Variants in MED26 observed in about 807,000 individuals in gnomAD.
MED26 encodes the protein mediator complex subunit 26.
In MED26, 7 loss-of-function variants were observed where a neutral mutation model predicts 43.7. The ratio of observed to expected loss-of-function variants is 0.16; its 90% CI spans 0.09 to 0.30. MED26 has a LOEUF of 0.30. Among genes scored for constraint, MED26 ranks in the 10% least tolerant of loss-of-function variants. MED26 has a pLI of 1.00. For missense variants in MED26, 784 were observed against 840.6 expected (o/e 0.93, Z 0.83); for synonymous variants, 375 against 371.1 (o/e 1.01, Z -0.12).
At chr19:16,598,662 T>A (rs1396628959) in intron 1 of MED26, among the ~76,000 whole-genome samples, 1 of 152,142 alleles carries the variant, frequency 6.6e-6, no homozygotes, top group African/African-American at 2.4e-5. Flanking sequence ...CTCTGACAAG[T>A]TCCACCACCA....
chr19:16,627,600 G>A (rs1288117856), intron 1 of MED26, among the ~76,000 whole-genome samples: 1 of 152,246 alleles, frequency 6.6e-6, no homozygotes, highest in Admixed American at 6.5e-5. Context: ...AGCTGGAGCA[G>A]AAAGGGAGGA....
intron 1 of MED26, among the ~76,000 whole-genome samples, chr19:16,626,832 C>T (rs926551610): frequency 3.3e-5 from 5 of 152,146 alleles, no homozygotes; most frequent in African/African-American, 1.2e-4. Context: ...CTGCATCTTC[C>T]TACCGCCCTG....
At chr19:16,601,034 G>A (rs2086146701) in intron 1 of MED26, among the ~76,000 whole-genome samples, 3 of 152,058 alleles carry the variant, frequency 2.0e-5, no homozygotes, top group Non-Finnish European at 4.4e-5. Flanking sequence ...AGGCAGCAGT[G>A]AGCTGAGACT....
intron 1 of MED26, among the ~76,000 whole-genome samples, chr19:16,607,167 C>A (rs1465226784): frequency 6.6e-6 from 1 of 151,788 alleles, no homozygotes; most frequent in African/African-American, 2.4e-5. Flanking sequence ...CATAGTGAGA[C>A]CCTGTCTCTA....
At chr19:16,607,744 T>C (rs568418661) in intron 1 of MED26, among the ~76,000 whole-genome samples, 3 of 152,284 alleles carry the variant, frequency 2.0e-5, no homozygotes, top group African/African-American at 7.2e-5. Context: ...TTTTTTAAGC[T>C]CATTGGCTAT....
intron 1 of MED26, among the ~76,000 whole-genome samples, chr19:16,615,662 C>T (rs1217564665): frequency 1.3e-5 from 2 of 151,816 alleles, no homozygotes; most frequent in African/African-American, 4.8e-5. Context: ...AGGAGAACTG[C>T]TTGAAACCAG....
At chr19:16,601,283 G>A (rs2086148145) in intron 1 of MED26, among the ~76,000 whole-genome samples, 1 of 151,790 alleles carries the variant, frequency 6.6e-6, no homozygotes, top group Non-Finnish European at 1.5e-5. Flanking sequence ...AGCCTCCCGA[G>A]TAGCTGGGAT....
At chr19:16,592,748 A>G (rs935138571) in intron 1 of MED26, among the ~76,000 whole-genome samples, 1 of 152,158 alleles carries the variant, frequency 6.6e-6, no homozygotes, top group Admixed American at 6.5e-5. Flanking sequence ...CAGCTCCAAT[A>G]AGGACCTGAG....
intron 1 of MED26, among the ~76,000 whole-genome samples, chr19:16,579,991 C>A (rs571995381): frequency 1.3e-5 from 2 of 152,162 alleles, no homozygotes; most frequent in South Asian, 4.1e-4. Context: ...GGGGAAGGCC[C>A]GACTTGAATG....
At position 16,587,138 on chromosome 19, in the gene MED26, G is replaced by C. The variant is rs184241404; in HGVS notation, c.73-8729C>G. 1 of 150,310 alleles carries C rather than the reference G, an allele frequency of 6.7e-6. No homozygotes were observed. The highest frequency in any genetic ancestry group is 2.1e-4 in the South Asian group (1 of 4,778). The allele number at this position is 150,310 out of a possible 1,614,324, so 9.3% of individuals were successfully genotyped here. On this transcript the variant is annotated intron_variant, in intron 1 of 2. Transcript: ENST00000263390. The surrounding 1 kb of genome is among the most constrained non-coding windows in gnomAD (Gnocchi z 4.9). ...ACCCCCCAACCCCCAACACACAGTC[G>C]TGTCTGCTGAGGACACACGGGTGAA...
rs1380097469 is a variant in MED26, at chr19:16,578,355, T to C, written c.127A>G (p.Ile43Val). 1.2e-6 allele frequency: 2 copies of C among 1,614,064 alleles called. No homozygotes were observed. Among genetic ancestry groups the C allele is most frequent in the Non-Finnish European group, 1.7e-6 (2 of 1,179,972 alleles). Residue 43 changes from isoleucine (I) to valine (V), a missense_variant, in exon 2 of 3, where the codon ATT (isoleucine) becomes GTT (valine). Physicochemically the swap from Ile to Val is conservative, Grantham distance 29 (BLOSUM62 3). Around this residue, in one of 3 missense-constraint regions of MED26, gnomAD observed 28 missense variants for 79.4 expected, o/e 0.35. Transcript: ENST00000263390. ...EVISSLEKYP[I>V]TKEALEETRL... Reference sequence around the variant, plus strand: ...CTCACCTCAAGTGCCTCTTTGGTAATAGGGTATTTCTCCAGGCTGGAGATG... The same window carrying C: ...CTCACCTCAAGTGCCTCTTTGGTAACAGGGTATTTCTCCAGGCTGGAGATG...
intron 1 of MED26, among the ~76,000 whole-genome samples, chr19:16,585,096 T>A (rs2122391542): frequency 6.6e-6 from 1 of 152,250 alleles, no homozygotes; most frequent in South Asian, 2.1e-4. Context: ...ATCTATCTGG[T>A]GAGACCCCAG....
At chr19:16,616,445 T>C (rs948764755) in intron 1 of MED26, among the ~76,000 whole-genome samples, 13 of 151,942 alleles carry the variant, frequency 8.6e-5, no homozygotes, top group African/African-American at 3.1e-4. Flanking sequence ...AAGTCAAACA[T>C]CCCTATCTGT....
At chr19:16,609,174 G>A (rs2086187385) in intron 1 of MED26, among the ~76,000 whole-genome samples, 1 of 151,914 alleles carries the variant, frequency 6.6e-6, no homozygotes, top group Non-Finnish European at 1.5e-5. Flanking sequence ...AATTAGCCGG[G>A]TATGGTGGTG....
Position 16,576,577 on chromosome 19 carries a change from A to G in MED26, c.1253T>C (p.Val418Ala), listed in dbSNP as rs1281934849. ...GGTGAGCTTCCGCTCTTTTAACCGG[A>G]CAGGCTTGACGCCCGCCTCAGCCAC... ...GQVAEAGVKPVRLKERKLTFD... is the reference protein window; with the variant it reads ...GQVAEAGVKPARLKERKLTFD... The change falls in exon 3 of 3, where the codon GTC (valine) becomes GCC (alanine). Residue 418 changes from valine (V) to alanine (A), a missense_variant. Coordinates refer to ENST00000263390, the MANE Select transcript of MED26 (RefSeq NM_004831.5). The surrounding 1 kb of genome is among the most constrained non-coding windows in gnomAD (Gnocchi z 6.8). 1 of 1,614,124 alleles carries G rather than the reference A, an allele frequency of 6.2e-7. No individual in the cohort carries two copies. The highest frequency in any genetic ancestry group is 1.1e-5 in the South Asian group (1 of 91,070).
intron 1 of MED26, among the ~76,000 whole-genome samples, chr19:16,613,602 G>A (rs900063301): frequency 1.3e-5 from 2 of 152,264 alleles, no homozygotes; most frequent in East Asian, 1.9e-4. Context: ...TGTTATCTCC[G>A]GATGAAAGCA....
intron 1 of MED26, among the ~76,000 whole-genome samples, chr19:16,603,287 A>G (rs1341315614): frequency 6.6e-6 from 1 of 152,158 alleles, no homozygotes; most frequent in African/African-American, 2.4e-5. Flanking sequence ...AAGCATGAAC[A>G]TCGCTCCCTT....
intron 1 of MED26, among the ~76,000 whole-genome samples, chr19:16,599,961 A>G (rs2086140833): frequency 6.6e-6 from 1 of 152,182 alleles, no homozygotes; most frequent in South Asian, 2.1e-4. Context: ...AGAAGCCTCA[A>G]AAGTTAGACC....
At chr19:16,593,012 G>A (rs956626495) in intron 1 of MED26, among the ~76,000 whole-genome samples, 4 of 152,166 alleles carry the variant, frequency 2.6e-5, no homozygotes, top group African/African-American at 7.2e-5. Flanking sequence ...CTTGGCTGGC[G>A]CCGACTCTGT....
Sources: allele counts gnomAD v4.1 joint callset (sites outside exome capture counted in the v4.1 genomes callset), GRCh38; gene constraint gnomAD v4.1.1; regional missense constraint gnomAD v4.1.1; non-coding constraint Gnocchi (gnomAD v3.1); transcripts MANE v1.5; gene names NCBI Gene and HGNC (gene_info 2026-07-23, HGNC 2026-07-21).